CFTR: variants seen among roughly 807,000 people sequenced by gnomAD.
CFTR encodes the protein cystic fibrosis transmembrane conductance regulator.
A neutral mutation model predicts 171.6 loss-of-function variants in CFTR; 181 were observed. The ratio of observed to expected loss-of-function variants is 1.05; its 90% CI spans 0.93 to 1.19. The LOEUF (loss-of-function observed/expected upper bound fraction) is 1.19, where lower values mean the gene tolerates loss of function less well. Ranked by LOEUF, CFTR falls within the 50% of genes most tolerant of loss-of-function variation. CFTR has a pLI of 0.00. For missense variants in CFTR, 1,968 were observed against 1,734.7 expected, an observed-to-expected ratio of 1.13 and a Z score of -2.39; for synonymous variants, 583 against 608.0, an observed-to-expected ratio of 0.96 and a Z score of 0.60.
chr7:117,622,901 G>A (rs1271713412), intron 21 of CFTR, among the ~76,000 whole-genome samples: 2 of 152,124 alleles, frequency 1.3e-5, no homozygotes, highest in Non-Finnish European at 2.9e-5. Context: ...ATCAGGCTGT[G>A]AAGCTATCTT....
rs1168652237 is a variant in CFTR, at chr7:117,664,532, CT to C, written c.3964-152del. On this transcript the variant is annotated intron_variant, in intron 24 of 26. Coordinates refer to ENST00000003084, the MANE Select transcript of CFTR (RefSeq NM_000492.4). ...TTGAGCTGTCAAGGTTGTAAATAGA[CT>C]TTTGCTCAATCAATTCAAATGGTGG... Among the ~76,000 whole-genome samples the C allele has an allele frequency of 5.3e-5, 8 of 152,126 alleles. No individual in the cohort carries two copies. In the East Asian group the frequency reaches 5.8e-4, roughly 11 times the overall value.
At chr7:117,627,442 T>C in intron 21 of CFTR, 80 bp from the exon 22 acceptor site, 1 of 1,477,938 alleles carries the variant, frequency 6.8e-7, no homozygotes, top group South Asian at 1.2e-5. Context: ...ATTTTACAAG[T>C]TATTTTTTAG....
intron 17 of CFTR, chr7:117,604,912 C>T (rs1792279802): frequency 6.6e-6 from 1 of 152,204 alleles, no homozygotes; most frequent in African/African-American, 2.4e-5. Flanking sequence ...AGAACATGAG[C>T]ATTGCCTGAG....
chr7:117,501,790 A>C (rs1798336336), intron 1 of CFTR, among the ~76,000 whole-genome samples: 37 of 151,202 alleles, frequency 2.4e-4, no homozygotes, highest in Admixed American at 1.6e-3. Flanking sequence ...AAAAAAAAAA[A>C]AACAAAAAGC....
At chr7:117,542,759 C>T (rs1306597519) in intron 9 of CFTR, among the ~76,000 whole-genome samples, 2 of 151,956 alleles carry the variant, frequency 1.3e-5, no homozygotes, top group Non-Finnish European at 2.9e-5. Context: ...CTTTGTGGGC[C>T]CTCTGGCTCT....
chr7:117,559,978 G>A (rs942078046), intron 11 of CFTR, among the ~76,000 whole-genome samples: 2 of 151,980 alleles, frequency 1.3e-5, no homozygotes, highest in Admixed American at 1.3e-4. Flanking sequence ...ATGCATATAA[G>A]TGATATGTGG....
In CFTR at chr7:117,509,214, C is replaced by T. The variant is rs576969949; in HGVS notation, c.273+72C>T. On this transcript the variant is annotated intron_variant, in intron 3 of 26. Coordinates refer to ENST00000003084, the MANE Select transcript of CFTR (RefSeq NM_000492.4). ...CATTTTTGTGATTATGAAAAGACTA[C>T]GAAATCTGGTGAATAGGTGTAAAAA... The T allele has an allele frequency of 8.8e-5, 83 of 946,424 alleles. No individual in the cohort carries two copies. The Middle Eastern group carries it at 1.5e-3, about 17-fold the overall frequency. The allele number at this position is 946,424 out of a possible 1,614,324, so 58.6% of individuals were successfully genotyped here.
chr7:117,595,658 A>T (rs1792108575), intron 15 of CFTR, among the ~76,000 whole-genome samples: 1 of 151,896 alleles, frequency 6.6e-6, no homozygotes, highest in African/African-American at 2.4e-5. Flanking sequence ...CTGAGTGGGG[A>T]GGATTGCTTG....
At chr7:117,584,550 A>G (rs191767773) in intron 11 of CFTR, among the ~76,000 whole-genome samples, 1 of 152,302 alleles carries the variant, frequency 6.6e-6, no homozygotes, top group East Asian at 1.9e-4. Flanking sequence ...GTGTACCAGT[A>G]CCAGGCTGTT....
At position 117,536,622 on chromosome 7, in the gene CFTR, A is replaced by C. The variant is rs756036343; in HGVS notation, c.818A>C (p.Lys273Thr). ...ATGATTGAAAATATCCAATCTGTTA[A>C]GGCATACTGCTGGGAAGAAGCAATG... ...SEMIENIQSVKAYCWEEAMEK... is the reference protein window; with the variant it reads ...SEMIENIQSVTAYCWEEAMEK... Residue 273 changes from lysine to threonine, a missense_variant, in exon 7 of 27, where the codon AAG becomes ACG. Coordinates refer to ENST00000003084, the MANE Select transcript of CFTR (RefSeq NM_000492.4). 1 of 1,611,532 alleles carries C rather than the reference A, an allele frequency of 6.2e-7. No individual in the cohort carries two copies.
At chr7:117,626,725 G>A (rs1440483488) in intron 21 of CFTR, among the ~76,000 whole-genome samples, 1 of 151,646 alleles carries the variant, frequency 6.6e-6, no homozygotes, top group Non-Finnish European at 1.5e-5. Context: ...ATGCCAAGTT[G>A]TTTTTAAAAT....
intron 3 of CFTR, among the ~76,000 whole-genome samples, chr7:117,522,014 G>A (rs1798692510): frequency 1.3e-5 from 2 of 152,108 alleles, no homozygotes; most frequent in Admixed American, 1.3e-4. Context: ...GAACATGTGA[G>A]AAATGAGATA....
At chr7:117,599,863 T>C (rs1377328942) in intron 15 of CFTR, among the ~76,000 whole-genome samples, 2 of 152,094 alleles carry the variant, frequency 1.3e-5, no homozygotes, top group Non-Finnish European at 2.9e-5. Context: ...AAATGTCTCA[T>C]GAGCATGTCA....
chr7:117,665,358 A>G, intron 25 of CFTR, 101 bp from the exon 26 acceptor site: 2 of 745,648 alleles, frequency 2.7e-6, no homozygotes, highest in Admixed American at 4.9e-5. Flanking sequence ...TAAAGAAATA[A>G]GTAATTTAAA....
intron 10 of CFTR, among the ~76,000 whole-genome samples, chr7:117,558,652 A>G (rs1364973819): frequency 6.6e-6 from 1 of 152,032 alleles, no homozygotes; most frequent in Admixed American, 6.6e-5. Flanking sequence ...CAGTAGTATT[A>G]TCTTTTTTCA....
chr7:117,508,400 T>G (rs2116640367), intron 2 of CFTR, among the ~76,000 whole-genome samples: 1 of 152,378 alleles, frequency 6.6e-6, no homozygotes, highest in South Asian at 2.1e-4. Context: ...GACTATTTAA[T>G]GTCTATTCTT....
intron 11 of CFTR, among the ~76,000 whole-genome samples, chr7:117,561,601 A>G (rs1051369550): frequency 6.6e-6 from 1 of 152,172 alleles, no homozygotes; most frequent in African/African-American, 2.4e-5. Context: ...TAAGCTTCTA[A>G]AGAAGAATAA....
chr7:117,632,571 A>G (rs754779860), intron 22 of CFTR, among the ~76,000 whole-genome samples: 35 of 150,952 alleles, frequency 2.3e-4, no homozygotes, highest in Non-Finnish European at 4.6e-4. Flanking sequence ...AAAAAAAAAG[A>G]AAAAGAAAAA....
chr7:117,622,334 C>T (rs951356775), intron 21 of CFTR, among the ~76,000 whole-genome samples: 29 of 152,058 alleles, frequency 1.9e-4, no homozygotes, highest in Admixed American at 1.8e-3. Flanking sequence ...ATGTTCATGG[C>T]CTAAAGATTA....
Sources: gnomAD v4.1 joint callset for allele counts (sites outside exome capture counted in the v4.1 genomes callset) on GRCh38, gnomAD v4.1.1 for gene constraint, MANE v1.5 for transcripts, NCBI Gene and HGNC (gene_info 2026-07-23, HGNC 2026-07-21) for gene names.